Variants in RANBP10 observed in about 807,000 individuals in gnomAD.
RANBP10 encodes the protein ran-binding protein 10.
Under a neutral mutation model 72.8 loss-of-function variants are expected in RANBP10, and 24 were observed. The observed-to-expected ratio is 0.33, with a 90% CI of 0.24 to 0.46. The LOEUF (loss-of-function observed/expected upper bound fraction) is 0.46, where lower values mean the gene tolerates loss of function less well. Ranked by LOEUF, RANBP10 falls within the 20% of genes least tolerant of loss-of-function variation. The probability of loss-of-function intolerance (pLI) is 1.00; values close to 1 mark genes in which losing one functional copy is unlikely to be tolerated. For synonymous variants in RANBP10, 310 were observed against 322.3 expected (o/e 0.96, Z 0.41); for missense variants, 679 against 817.5 (o/e 0.83, Z 2.07).
chr16:67,756,765 A>G (rs1388225280), intron 3 of RANBP10, among the ~76,000 whole-genome samples: 1 of 152,176 alleles, frequency 6.6e-6, no homozygotes, highest in African/African-American at 2.4e-5. Context: ...ACTGATCACC[A>G]AGCCAGTCAT....
At chr16:67,785,730 T>TAAAAA (rs2054904287) in intron 2 of RANBP10, among the ~76,000 whole-genome samples, 1 of 73,294 alleles carries the variant, frequency 1.4e-5, no homozygotes, top group Non-Finnish European at 2.2e-5. Flanking sequence ...AGACTCCATC[T>TAAAAA]CAAAAAAAAA....
intron 2 of RANBP10, among the ~76,000 whole-genome samples, chr16:67,775,559 T>C (rs2054688700): frequency 6.6e-6 from 1 of 151,954 alleles, no homozygotes; most frequent in Non-Finnish European, 1.5e-5. Context: ...ATGCCTGTAA[T>C]CCCAGAACTT....
intron 3 of RANBP10, among the ~76,000 whole-genome samples, chr16:67,746,869 T>C (rs866471992): frequency 6.6e-5 from 10 of 152,240 alleles, no homozygotes; most frequent in African/African-American, 1.9e-4. Flanking sequence ...GTTCCATTCC[T>C]TTTTATTGCT....
At chr16:67,732,255 G>A (rs558729833) in intron 6 of RANBP10, among the ~76,000 whole-genome samples, 1 of 152,324 alleles carries the variant, frequency 6.6e-6, no homozygotes, top group Admixed American at 6.5e-5. Flanking sequence ...GGCAGCAGCA[G>A]GGCCAATGGG....
intron 2 of RANBP10, among the ~76,000 whole-genome samples, chr16:67,781,117 G>A (rs572583798): frequency 2.6e-4 from 40 of 152,322 alleles, no homozygotes; most frequent in South Asian, 6.2e-4. Context: ...TCAGACAAAC[G>A]AGCACCTGAG....
chr16:67,769,745 CAAAAAAAAAAA>C (rs58319144), intron 3 of RANBP10, among the ~76,000 whole-genome samples: 5,366 of 27,742 alleles, frequency 0.19, 201 homozygotes, highest in Middle Eastern at 0.41. Flanking sequence ...GACTCCGTCT[CAAAAAAAAAAA>C]AAAAAAAAAA....
At chr16:67,768,027 T>C (rs1264365594) in intron 3 of RANBP10, among the ~76,000 whole-genome samples, 1 of 149,130 alleles carries the variant, frequency 6.7e-6, no homozygotes, top group East Asian at 2.0e-4. Flanking sequence ...ATCATGTCAC[T>C]GAACCCCAGC....
intron 3 of RANBP10, among the ~76,000 whole-genome samples, chr16:67,757,978 C>T (rs987963532): frequency 6.6e-6 from 1 of 152,212 alleles, no homozygotes; most frequent in Non-Finnish European, 1.5e-5. Flanking sequence ...CCAAGTGGGG[C>T]ATGCCTTCCC....
intron 2 of RANBP10, among the ~76,000 whole-genome samples, chr16:67,793,707 A>G (rs1162402360): frequency 6.6e-6 from 1 of 152,094 alleles, no homozygotes; most frequent in Admixed American, 6.6e-5. Flanking sequence ...AGTCTTGATA[A>G]TTTTATAAGC....
In RANBP10 at chr16:67,730,437, C is replaced by T. The variant is rs1354774798; in HGVS notation, c.890-391G>A. ...CCTGAGTGGCTCCTCTTCAGACAGA[C>T]TCCTCTCCTTCCAGGCCTCACAGGG... On this transcript the variant is annotated intron_variant, in intron 7 of 13. Coordinates refer to ENST00000317506, the MANE Select transcript of RANBP10 (RefSeq NM_020850.3). The surrounding 1 kb of genome is among the most constrained non-coding windows in gnomAD (Gnocchi z 4.3). Among the ~76,000 whole-genome samples, 1 of 152,168 alleles carries T rather than the reference C, an allele frequency of 6.6e-6. No individual in the cohort carries two copies. Among genetic ancestry groups the T allele is most frequent in the African/African-American group, 2.4e-5 (1 of 41,452 alleles).
At chr16:67,762,269 A>T (rs541157477) in intron 3 of RANBP10, among the ~76,000 whole-genome samples, 5 of 152,348 alleles carry the variant, frequency 3.3e-5, no homozygotes, top group Non-Finnish European at 7.3e-5. Context: ...CCAATCTCTA[A>T]AAAGTAAGAA....
Position 67,729,923 on chromosome 16 carries a change from G to A in RANBP10, c.998+15C>T. The A allele has an allele frequency of 6.2e-7, 1 of 1,613,598 alleles. No individual in the cohort carries two copies. Among genetic ancestry groups the A allele is most frequent in the South Asian group, 1.1e-5 (1 of 91,086 alleles). Reference sequence around the variant, plus strand: ...GGGCTGGACTCTGGGGGAGCTGGGGGTGCCCAAGACTTACTTGAGCATGAA... The same window carrying A: ...GGGCTGGACTCTGGGGGAGCTGGGGATGCCCAAGACTTACTTGAGCATGAA... On this transcript the variant is annotated intron_variant, in intron 8 of 13. Transcript: ENST00000317506. This position sits in a 1 kb window ranked among gnomAD's most constrained non-coding sequence, Gnocchi z 7.1.
chr16:67,757,543 A>T (rs2054309695), intron 3 of RANBP10, among the ~76,000 whole-genome samples: 2 of 152,262 alleles, frequency 1.3e-5, no homozygotes, highest in South Asian at 4.1e-4. Context: ...ACATCATGGC[A>T]GGGCTGCTCC....
intron 2 of RANBP10, among the ~76,000 whole-genome samples, chr16:67,783,583 C>T (rs2054852628): frequency 6.6e-6 from 1 of 152,164 alleles, no homozygotes; most frequent in African/African-American, 2.4e-5. Flanking sequence ...ATATCAGGTT[C>T]CTTATTAGAG....
chr16:67,732,465 C>G (rs886595889), intron 6 of RANBP10, among the ~76,000 whole-genome samples: 1 of 152,106 alleles, frequency 6.6e-6, no homozygotes, highest in Non-Finnish European at 1.5e-5. Context: ...ACACAAATGT[C>G]TGAAGGGTTG....
intron 2 of RANBP10, among the ~76,000 whole-genome samples, chr16:67,777,413 G>A (rs776519732): frequency 3.3e-5 from 5 of 151,956 alleles, no homozygotes; most frequent in African/African-American, 4.8e-5. Context: ...GCGGGGGCCT[G>A]TAGTCCCAGC....
Position 67,738,049 on chromosome 16 carries a change from G to T in RANBP10, c.569-14C>A. On this transcript the variant is annotated splice_polypyrimidine_tract_variant and intron_variant, in intron 4 of 13. Coordinates refer to ENST00000317506, the MANE Select transcript of RANBP10 (RefSeq NM_020850.3). ...TGAAGGCTATACCTGTGGGGGGAAA[G>T]GAACAGTCATCAGGGCCAGCCCCTG... The T allele has an allele frequency of 6.3e-7, 1 of 1,587,260 alleles. No homozygotes were observed. The highest frequency in any genetic ancestry group is 2.3e-5 in the East Asian group (1 of 43,682).
At position 67,727,706 on chromosome 16, in the gene RANBP10, C is replaced by T. The variant is rs199862623; in HGVS notation, c.1620+45G>A. 2.1e-5 allele frequency: 34 copies of T among 1,612,810 alleles called. No homozygotes were observed. The East Asian group carries it at 6.9e-4, about 33-fold the overall frequency. ...TCTCCCAGAGCCACCCTGCCCCCAA[C>T]ACCAAATGGGGCCTGCTCTGCATGA... On this transcript the variant is annotated intron_variant, in intron 12 of 13. Transcript: ENST00000317506.
At chr16:67,748,253 C>T (rs146775386) in intron 3 of RANBP10, among the ~76,000 whole-genome samples, 3,731 of 152,030 alleles carry the variant, frequency 0.025, 55 homozygotes, top group Non-Finnish European at 0.037. Context: ...GATGCAGTGG[C>T]TCAGGCCTAT....
Sources: gnomAD v4.1 joint callset for allele counts (sites outside exome capture counted in the v4.1 genomes callset) on GRCh38, gnomAD v4.1.1 for gene constraint, Gnocchi (gnomAD v3.1) non-coding constraint, MANE v1.5 for transcripts, NCBI Gene and HGNC (gene_info 2026-07-23, HGNC 2026-07-21) for gene names.